The following PTGR1 variants were observed in gnomAD, a reference collection of about 807,000 sequenced individuals.
The protein encoded by PTGR1 is prostaglandin reductase 1, also known as 15-oxoprostaglandin 13-reductase.
A neutral mutation model predicts 37.7 loss-of-function variants in PTGR1; 23 were observed. The ratio of observed to expected loss-of-function variants is 0.61; its 90% confidence interval spans 0.44 to 0.86. PTGR1 has a LOEUF of 0.86. Among genes scored for constraint, PTGR1 ranks in the 40% least tolerant of loss-of-function variants. The pLI, the probability that PTGR1 is intolerant of heterozygous loss-of-function variation, is 0.00. For synonymous variants in PTGR1, 134 were observed against 140.0 expected (o/e 0.96, Z 0.30); for missense variants, 351 against 394.3 (o/e 0.89, Z 0.93).
At chr9:111,561,179 AAGAG>A (rs138477303), downstream of PTGR1, among the ~76,000 whole-genome samples, 33 of 45,550 alleles carry the variant, frequency 7.2e-4, no homozygotes, top group African/African-American at 2.5e-3. Context: ...GAGAGAGAGA[AAGAG>A]AGAGAGATTC....
chr9:111,566,391 C>G (rs971885975), intron 9 of PTGR1, among the ~76,000 whole-genome samples: 1 of 152,174 alleles, frequency 6.6e-6, no homozygotes. Flanking sequence ...CCCAGCCCGG[C>G]ACTGCAAGTG....
chr9:111,556,637 C>T (rs528921049), intron 9 of PTGR1, among the ~76,000 whole-genome samples: 133 of 152,290 alleles, frequency 8.7e-4, no homozygotes, highest in Non-Finnish European at 1.5e-3. Flanking sequence ...TCCAATGCTG[C>T]GGGAGGGACC....
intron 9 of PTGR1, among the ~76,000 whole-genome samples, chr9:111,569,642 G>A (rs542703946): frequency 1.3e-5 from 2 of 152,286 alleles, no homozygotes; most frequent in East Asian, 1.9e-4. Flanking sequence ...GTACACACCT[G>A]TAGTCCTAGC....
rs547836676 is a variant in PTGR1, at chr9:111,578,000, T to TGG, written c.651+794_651+795dup. 8.8e-4 allele frequency among the ~76,000 whole-genome samples: 133 copies of TGG among 151,528 alleles called. 3 individuals carry two copies. Among genetic ancestry groups the TGG allele is most frequent in the South Asian group, 1.3e-3 (6 of 4,784 alleles). ...GTGACTGCTAATGAGTAGCGTTTTT[T>TGG]GGGGGGGGTGATGAAAATATTCTTA... On this transcript the variant is annotated intron_variant, in intron 7 of 9. Transcript: ENST00000407693.
chr9:111,576,345 C>T (rs767469262), intron 7 of PTGR1: 5 of 1,613,714 alleles, frequency 3.1e-6, no homozygotes, highest in Middle Eastern at 1.7e-4. Flanking sequence ...ACTCACTAAG[C>T]TTTCCCTGGT....
chr9:111,570,193 A>G lies in PTGR1; in HGVS notation c.777T>C (p.Ile259=). 1 of 1,613,790 alleles carries G rather than the reference A, an allele frequency of 6.2e-7. No homozygotes were observed. The highest frequency in any genetic ancestry group is 1.3e-5 in the African/African-American group (1 of 74,986). The change falls in exon 9 of 10, where the codon ATT becomes ATC. Residue 259 remains isoleucine (I), a synonymous_variant. Transcript: ENST00000407693. ...CCATGCGAAGCTCCTGATAGATAAC[A>G]ATCTCTGGGGGTGGGCCTGTGAAGA... ...GPLPPGPPPE[I]VIYQELRMEA...
chr9:111,586,114 A>C lies in PTGR1; in HGVS notation c.261T>G (p.Ala87=). The stretch of plus-strand genomic sequence containing the variant: ...TGGAGTGCGTTGTCCAGCCTGGAGA[A>C]GCCAGTACAATAGTTCCTTTTGGTA... ...VALPKGTIVL[A]SPGWTTHSIS... The change falls in exon 5 of 10, where the codon GCT becomes GCG. Residue 87 remains alanine, a synonymous_variant. Transcript: ENST00000407693. 3 of 1,614,246 alleles carry C rather than the reference A, an allele frequency of 1.9e-6. No individual in the cohort carries two copies. Among genetic ancestry groups the C allele is most frequent in the Non-Finnish European group, 2.5e-6 (3 of 1,180,046 alleles).
At chr9:111,568,310 G>C (rs1033666709) in intron 9 of PTGR1, among the ~76,000 whole-genome samples, 1 of 152,044 alleles carries the variant, frequency 6.6e-6, no homozygotes, top group Admixed American at 6.6e-5. Context: ...GGCTGCTCTG[G>C]GAGTGTCTGT....
intron 7 of PTGR1, 92 bp from the exon 8 acceptor site, chr9:111,574,934 G>C: frequency 1.0e-6 from 1 of 970,322 alleles, no homozygotes; most frequent in Non-Finnish European, 1.6e-6. Flanking sequence ...TACAATACCT[G>C]TTTTAGCAGC....
In PTGR1 at chr9:111,570,205, TG is replaced by T. The variant is rs2132347977; in HGVS notation, c.764del (p.Pro255HisfsTer30). On this transcript the variant is annotated frameshift_variant, in exon 9 of 10. Coordinates refer to ENST00000407693, the MANE Select transcript of PTGR1 (RefSeq NM_001146108.2). LOFTEE classifies it high-confidence loss of function. ...YNRTGPLPPG[P>X]PPEIVIYQEL... ...CCTGATAGATAACAATCTCTGGGGGTGGGCCTGTGAAGAGAAGGGCACATTT... is the reference window on the plus strand; with the variant it reads ...CCTGATAGATAACAATCTCTGGGGGTGGCCTGTGAAGAGAAGGGCACATTT... The T allele has an allele frequency of 6.2e-7, 1 of 1,612,654 alleles. No individual in the cohort carries two copies. The highest frequency in any genetic ancestry group is 2.2e-5 in the East Asian group (1 of 44,838).
intron 6 of PTGR1, among the ~76,000 whole-genome samples, chr9:111,581,634 T>C (rs987190162): frequency 9.9e-5 from 15 of 152,110 alleles, no homozygotes; most frequent in African/African-American, 3.6e-4. Flanking sequence ...ATTGGGTCCT[T>C]TGAATTTTTT....
intron 4 of PTGR1, chr9:111,592,381 G>GT (rs1472409876): frequency 3.9e-5 from 6 of 153,058 alleles, no homozygotes; most frequent in Admixed American, 1.3e-4. Flanking sequence ...GCATACAGAT[G>GT]TATGTTAAAG....
intron 2 of PTGR1, 95 bp from the exon 3 acceptor site, chr9:111,594,362 G>T: frequency 8.7e-7 from 1 of 1,149,006 alleles, no homozygotes; most frequent in Non-Finnish European, 1.3e-6. Context: ...GTGAGACAGG[G>T]ACAAGGGTTG....
chr9:111,587,213 G>A (rs961966988), intron 4 of PTGR1, among the ~76,000 whole-genome samples: 1 of 152,018 alleles, frequency 6.6e-6, no homozygotes, highest in Non-Finnish European at 1.5e-5. Flanking sequence ...CCTCCTCTAA[G>A]CTGCACCCTT....
rs1008111941 is a variant in PTGR1 at position 111,584,365 on chromosome 9, C to T, written c.378-776G>A. Reference sequence around the variant, plus strand: ...AGAATAGAGAGGAAGAGCTCTCATCCGTAGAGGGTACAGGGCGGGCAGGAA... The same window carrying T: ...AGAATAGAGAGGAAGAGCTCTCATCTGTAGAGGGTACAGGGCGGGCAGGAA... On this transcript the variant is annotated intron_variant, in intron 5 of 9. Transcript: ENST00000407693. Among the ~76,000 whole-genome samples, 5 of 152,152 alleles carry T rather than the reference C, an allele frequency of 3.3e-5. No individual in the cohort carries two copies. In the East Asian group the frequency reaches 5.8e-4, roughly 18 times the overall value.
At chr9:111,579,043 A>G in intron 6 of PTGR1, 92 bp from the exon 7 acceptor site, 1 of 1,267,246 alleles carries the variant, frequency 7.9e-7, no homozygotes, top group East Asian at 2.5e-5. Context: ...TAGGTTCCCT[A>G]GGAACACTCT....
At chr9:111,566,783 G>A (rs1251722852) in intron 9 of PTGR1, among the ~76,000 whole-genome samples, 1 of 152,108 alleles carries the variant, frequency 6.6e-6, no homozygotes, top group African/African-American at 2.4e-5. Flanking sequence ...CTTCATGGAG[G>A]TTACATCCTC....
intron 6 of PTGR1, among the ~76,000 whole-genome samples, chr9:111,580,679 T>C (rs4978447): frequency 0.84 from 127,510 of 151,314 alleles, 54,268 homozygotes; most frequent in East Asian, 1. Flanking sequence ...AGCTTGAACC[T>C]GGGAGGCAGA....
chr9:111,561,110 TAG>T (rs1159365134), downstream of PTGR1, among the ~76,000 whole-genome samples: 227 of 19,182 alleles, frequency 0.012, 24 homozygotes, highest in African/African-American at 0.042. Context: ...TATATATATA[TAG>T]AGAGAGAGAG....
Sources: allele counts gnomAD v4.1 joint callset (sites outside exome capture counted in the v4.1 genomes callset), GRCh38; gene constraint gnomAD v4.1.1; transcripts MANE v1.5; gene names NCBI Gene and HGNC (gene_info 2026-07-23, HGNC 2026-07-21).